The following RAD51B variants were observed in gnomAD, a reference collection of about 807,000 sequenced individuals.
The protein encoded by RAD51B is RAD51 paralog B.
Under a neutral mutation model 42.2 loss-of-function variants are expected in RAD51B, and 38 were observed. That is an observed-to-expected ratio of 0.90 (90% CI 0.70 to 1.18). The LOEUF (loss-of-function observed/expected upper bound fraction) is 1.18. Ranked by LOEUF, RAD51B falls within the 50% of genes most tolerant of loss-of-function variation. The pLI is 0.00. For missense variants in RAD51B, 373 were observed against 400.7 expected, an observed-to-expected ratio of 0.93 and a Z score of 0.59; for synonymous variants, 154 against 145.2, an observed-to-expected ratio of 1.06 and a Z score of -0.43.
chr14:67,879,520 G>A (rs887335204), intron 5 of RAD51B, among the ~76,000 whole-genome samples: 1 of 151,844 alleles, frequency 6.6e-6, no homozygotes, highest in Non-Finnish European at 1.5e-5. Context: ...ATAGTTCACT[G>A]TAACCTCCAG....
chr14:68,150,474 C>T (rs983860844), intron 7 of RAD51B, among the ~76,000 whole-genome samples: 1 of 57,460 alleles, frequency 1.7e-5, no homozygotes, highest in African/African-American at 4.2e-5. Flanking sequence ...TTATTTAGAT[C>T]TTCTTTGATT....
At chr14:68,447,846 G>A (rs1319564826) in intron 9 of RAD51B, among the ~76,000 whole-genome samples, 4 of 151,986 alleles carry the variant, frequency 2.6e-5, no homozygotes, top group Non-Finnish European at 5.9e-5. Flanking sequence ...ATGATGAGCT[G>A]TAAAATATTC....
At chr14:68,423,718 C>T (rs57806531) in intron 9 of RAD51B, among the ~76,000 whole-genome samples, 2,318 of 152,222 alleles carry the variant, frequency 0.015, 58 homozygotes, top group African/African-American at 0.053. Context: ...TTTTCAACCC[C>T]TGTGGTGTGG....
intron 7 of RAD51B, among the ~76,000 whole-genome samples, chr14:68,031,999 C>T (rs555183960): frequency 3.3e-5 from 5 of 151,472 alleles, no homozygotes; most frequent in Admixed American, 2.6e-4. Context: ...CTGTATGTAG[C>T]CTAGTGATTA....
chr14:67,890,014 T>C (rs1159197191), intron 7 of RAD51B, among the ~76,000 whole-genome samples: 1 of 152,162 alleles, frequency 6.6e-6, no homozygotes, highest in Non-Finnish European at 1.5e-5. Context: ...CTTTTTAAAG[T>C]GTTCACACTA....
intron 9 of RAD51B, among the ~76,000 whole-genome samples, chr14:68,449,774 G>C (rs567307781): frequency 2.6e-5 from 4 of 151,992 alleles, no homozygotes; most frequent in Non-Finnish European, 5.9e-5. Context: ...CTAGAGTCCC[G>C]GCTGACTCCC....
At chr14:67,849,815 T>C (rs2041744661) in intron 4 of RAD51B, among the ~76,000 whole-genome samples, 3 of 152,196 alleles carry the variant, frequency 2.0e-5, no homozygotes, top group Non-Finnish European at 2.9e-5. Context: ...AGTCTTTTCT[T>C]TTATATCTTT....
intron 7 of RAD51B, among the ~76,000 whole-genome samples, chr14:67,940,050 ATATATTTTTTTTTTTTTTTTT>A (rs2045132019): frequency 7.2e-5 from 1 of 13,886 alleles, no homozygotes; most frequent in African/African-American, 1.7e-4. Context: ...ATATATATAT[ATATATTTTTTTTTTTTTTTTT>A]TTTTTTTTTT....
At chr14:68,092,378 G>C (rs1340500820) in intron 7 of RAD51B, among the ~76,000 whole-genome samples, 1 of 152,088 alleles carries the variant, frequency 6.6e-6, no homozygotes, top group Non-Finnish European at 1.5e-5. Context: ...ATTTCATTGA[G>C]CAGTGGTTTG....
chr14:68,049,040 G>C (rs1039870809), intron 7 of RAD51B, among the ~76,000 whole-genome samples: 8 of 152,160 alleles, frequency 5.3e-5, no homozygotes, highest in African/African-American at 1.9e-4. Context: ...AAAAAATGAT[G>C]AGTTCATGTC....
chr14:68,036,759 T>C (rs1377896936), intron 7 of RAD51B, among the ~76,000 whole-genome samples: 1 of 152,214 alleles, frequency 6.6e-6, no homozygotes, highest in East Asian at 1.9e-4. Context: ...GTGCCTTTTT[T>C]TTAAACCTGA....
intron 7 of RAD51B, among the ~76,000 whole-genome samples, chr14:68,244,814 G>T (rs1314917): frequency 0.91 from 138,197 of 152,234 alleles, 63,520 homozygotes; most frequent in African/African-American, 0.98. Flanking sequence ...TCCAAGCCAC[G>T]GGGTGGGTAA....
At position 68,574,267 on chromosome 14, in the gene RAD51B, T is replaced by C. The variant is rs140799787; in HGVS notation, c.1037-20218T>C. Reference sequence around the variant, plus strand: ...GGAACTACTACTGGCTTTTATTGGCTGCACGCACCAGCATCTCACTGTGTT... The same window carrying C: ...GGAACTACTACTGGCTTTTATTGGCCGCACGCACCAGCATCTCACTGTGTT... On this transcript the variant is annotated intron_variant, in intron 10 of 10. Coordinates refer to the RAD51B transcript ENST00000487270. 2.5e-3 allele frequency among the ~76,000 whole-genome samples: 382 copies of C among 152,244 alleles called. 1 individual carries two copies. Among genetic ancestry groups the C allele is most frequent in the African/African-American group, 8.7e-3 (362 of 41,532 alleles).
chr14:67,843,973 G>A (rs908989630), intron 4 of RAD51B, among the ~76,000 whole-genome samples: 3 of 151,982 alleles, frequency 2.0e-5, no homozygotes, highest in African/African-American at 7.2e-5. Context: ...TGAACTTTCT[G>A]ATATGGGCTT....
intron 9 of RAD51B, among the ~76,000 whole-genome samples, chr14:68,414,324 T>G (rs2084494008): frequency 1.3e-5 from 2 of 152,246 alleles, no homozygotes; most frequent in Admixed American, 6.5e-5. Flanking sequence ...TCTTTTGGAC[T>G]AATTTAGCTT....
intron 7 of RAD51B, among the ~76,000 whole-genome samples, chr14:67,904,389 C>G (rs1016729908): frequency 6.6e-6 from 1 of 152,090 alleles, no homozygotes; most frequent in Non-Finnish European, 1.5e-5. Context: ...ATTCCCTTTT[C>G]TCTGCAACCT....
intron 8 of RAD51B, among the ~76,000 whole-genome samples, chr14:68,340,309 G>A (rs2082546048): frequency 6.6e-6 from 1 of 152,160 alleles, no homozygotes; most frequent in Non-Finnish European, 1.5e-5. Flanking sequence ...CCTTTTGTGG[G>A]GGAGATTTAC....
intron 7 of RAD51B, among the ~76,000 whole-genome samples, chr14:68,157,370 A>G (rs1365298113): frequency 2.6e-5 from 4 of 152,170 alleles, no homozygotes; most frequent in Non-Finnish European, 4.4e-5. Context: ...ATCAACAGAG[A>G]TTTGATTAAC....
chr14:68,108,408 T>C (rs960254451), intron 7 of RAD51B, among the ~76,000 whole-genome samples: 4 of 152,022 alleles, frequency 2.6e-5, no homozygotes, highest in African/African-American at 9.7e-5. Flanking sequence ...AAATGTGGTA[T>C]ATTTGTACAG....
Sources: gnomAD v4.1 joint callset for allele counts (sites outside exome capture counted in the v4.1 genomes callset) on GRCh38, gnomAD v4.1.1 for gene constraint, MANE v1.5 for transcripts, NCBI Gene and HGNC (gene_info 2026-07-23, HGNC 2026-07-21) for gene names.